EPB41: variants seen among roughly 807,000 people sequenced by gnomAD.
EPB41 encodes the protein erythrocyte membrane protein band 4.1, also known as protein 4.1.
In EPB41, 65 loss-of-function variants were observed where a neutral mutation model predicts 108.0. The ratio of observed to expected loss-of-function variants is 0.60; its 90% confidence interval spans 0.49 to 0.74. The LOEUF is 0.74. Ranked by LOEUF, EPB41 falls within the 30% of genes least tolerant of loss-of-function variation. The pLI, the probability that EPB41 is intolerant of heterozygous loss-of-function variation, is 0.00. For synonymous variants in EPB41, 336 were observed against 358.9 expected (o/e 0.94, Z 0.72); for missense variants, 875 against 1,037.0 (o/e 0.84, Z 2.15).
intron 16 of EPB41, among the ~76,000 whole-genome samples, chr1:29,081,851 A>AT (rs1235809002): frequency 6.6e-6 from 1 of 151,530 alleles, no homozygotes; most frequent in Non-Finnish European, 1.5e-5. Context: ...AAAAAAAAAA[A>AT]ACCTAACACT....
At chr1:28,938,536 T>A (rs1345373601) in intron 1 of EPB41, among the ~76,000 whole-genome samples, 4 of 49,130 alleles carry the variant, frequency 8.1e-5, no homozygotes, top group Admixed American at 2.5e-4. Flanking sequence ...GATTTTTGAA[T>A]TTTTTTTTTT....
chr1:29,001,568 C>T (rs990384451), intron 4 of EPB41, among the ~76,000 whole-genome samples: 2 of 152,150 alleles, frequency 1.3e-5, no homozygotes, highest in African/African-American at 2.4e-5. Context: ...CATTACATGT[C>T]TGAAAAGATG....
chr1:28,962,878 A>G (rs941672704), intron 1 of EPB41, among the ~76,000 whole-genome samples: 7 of 152,046 alleles, frequency 4.6e-5, no homozygotes, highest in African/African-American at 7.2e-5. Flanking sequence ...CTCACCACAG[A>G]TTTTTATGGT....
intron 1 of EPB41, among the ~76,000 whole-genome samples, chr1:28,949,967 C>T (rs1339207894): frequency 1.3e-5 from 2 of 152,128 alleles, no homozygotes; most frequent in Admixed American, 6.6e-5. Flanking sequence ...TTTACTTTTA[C>T]TGTGGTATAA....
chr1:28,994,359 G>A (rs905360911), intron 3 of EPB41, among the ~76,000 whole-genome samples: 1 of 151,636 alleles, frequency 6.6e-6, no homozygotes, highest in South Asian at 2.1e-4. Flanking sequence ...TTTAAGTAGA[G>A]ACGGGGTTTC....
At chr1:28,976,725 A>T (rs938335290) in intron 1 of EPB41, among the ~76,000 whole-genome samples, 2 of 151,728 alleles carry the variant, frequency 1.3e-5, no homozygotes, top group East Asian at 1.9e-4. Flanking sequence ...CTATTCAGCT[A>T]GTCTGGAATT....
chr1:28,900,290 CTT>C (rs536156004), intron 1 of EPB41, among the ~76,000 whole-genome samples: 24 of 126,012 alleles, frequency 1.9e-4, no homozygotes, highest in South Asian at 2.7e-4. Flanking sequence ...ACTTCTTCTT[CTT>C]TTTTTTTTTT....
chr1:29,029,351 G>C (rs1282299989), intron 7 of EPB41, among the ~76,000 whole-genome samples: 1 of 152,132 alleles, frequency 6.6e-6, no homozygotes, highest in Non-Finnish European at 1.5e-5. Flanking sequence ...TCTGCACCCT[G>C]TCTCCTGTTG....
intron 16 of EPB41, among the ~76,000 whole-genome samples, chr1:29,094,816 G>T (rs1489955897): frequency 1.3e-5 from 2 of 152,010 alleles, no homozygotes; most frequent in Non-Finnish European, 2.9e-5. Flanking sequence ...CATGTGCAGT[G>T]GTCCCTCATC....
chr1:29,014,325 T>A (rs538523118), intron 5 of EPB41, among the ~76,000 whole-genome samples: 24 of 151,894 alleles, frequency 1.6e-4, no homozygotes, highest in Non-Finnish European at 2.4e-4. Flanking sequence ...CTGAAAAAAA[T>A]AAAATAAAAT....
chr1:28,982,653 G>A (rs1405811872), intron 1 of EPB41: 1 of 847,156 alleles, frequency 1.2e-6, no homozygotes, highest in East Asian at 2.5e-5. Flanking sequence ...AGCCCATCAT[G>A]GTTTTTGATT....
intron 1 of EPB41, among the ~76,000 whole-genome samples, chr1:28,969,761 C>T (rs183984776): frequency 8.5e-5 from 13 of 152,162 alleles, no homozygotes; most frequent in Non-Finnish European, 1.2e-4. Context: ...ATTAGCCGGG[C>T]GTGGCGGTGG....
chr1:28,977,805 G>A (rs1468531086), intron 1 of EPB41, among the ~76,000 whole-genome samples: 1 of 151,996 alleles, frequency 6.6e-6, no homozygotes, highest in African/African-American at 2.4e-5. Context: ...ATGACTGCAT[G>A]GCATTTGTCT....
At chr1:28,909,666 G>A (rs2092113621), upstream of EPB41, among the ~76,000 whole-genome samples, 1 of 151,940 alleles carries the variant, frequency 6.6e-6, no homozygotes, top group Admixed American at 6.6e-5. Context: ...TGGGTGTGGT[G>A]GCATATACCT....
chr1:29,110,057 A>G (rs2151687184), intron 18 of EPB41, among the ~76,000 whole-genome samples: 1 of 150,952 alleles, frequency 6.6e-6, no homozygotes, highest in Non-Finnish European at 1.5e-5. Context: ...TTAAGGGGCC[A>G]GGCGTGGTGT....
rs543058462 is a variant in EPB41 at position 28,955,666 on chromosome 1, G to T, written c.-7-31765G>T. On this transcript the variant is annotated intron_variant, in intron 1 of 20. Transcript: ENST00000343067. ...GCCCTGATGATCTATTTTTCTACTTGACTGTCCTCCGTTTACTGAGTGGGT... is the reference window on the plus strand; with the variant it reads ...GCCCTGATGATCTATTTTTCTACTTTACTGTCCTCCGTTTACTGAGTGGGT... 5.3e-5 allele frequency among the ~76,000 whole-genome samples: 8 copies of T among 152,106 alleles called. No individual in the cohort carries two copies. The East Asian group carries it at 9.7e-4, about 18-fold the overall frequency.
chr1:28,927,019 A>G (rs892649289), intron 1 of EPB41, among the ~76,000 whole-genome samples: 6 of 152,222 alleles, frequency 3.9e-5, no homozygotes, highest in Non-Finnish European at 5.9e-5. Context: ...GGTAGAACAC[A>G]GTCATGTGGT....
intron 1 of EPB41, among the ~76,000 whole-genome samples, chr1:28,932,819 C>T (rs969354171): frequency 6.6e-6 from 1 of 152,068 alleles, no homozygotes; most frequent in African/African-American, 2.4e-5. Context: ...TAATATTATT[C>T]GTTGTTTTAT....
chr1:28,923,111 CT>C lies in EPB41; in HGVS notation c.-8+8362del, dbSNP rs1226949675. 5.1e-3 allele frequency among the ~76,000 whole-genome samples: 309 copies of C among 60,610 alleles called. 2 individuals carry two copies. The highest frequency in any genetic ancestry group is 0.016 in the East Asian group (15 of 958). 39.8% of individuals were successfully genotyped at this position (60,610 alleles called of 152,430 possible). On this transcript the variant is annotated intron_variant, in intron 1 of 20. Coordinates refer to ENST00000343067, the MANE Select transcript of EPB41 (RefSeq NM_001376013.1). ...TTCCTTCTTTCCTTTCTTTTCTTTT[CT>C]TTTTTTTTTTTTTTTTTTGAGATGG... is the stretch of plus-strand genomic sequence containing the variant.
Sources: gnomAD v4.1 joint callset for allele counts (sites outside exome capture counted in the v4.1 genomes callset) on GRCh38, gnomAD v4.1.1 for gene constraint, MANE v1.5 for transcripts, NCBI Gene and HGNC (gene_info 2026-07-23, HGNC 2026-07-21) for gene names.